The following SGCD variants were observed in gnomAD, a reference collection of about 807,000 sequenced individuals.
SGCD encodes the protein delta-sarcoglycan.
A neutral mutation model predicts 36.6 loss-of-function variants in SGCD; 18 were observed. The observed-to-expected ratio is 0.49, with a 90% CI of 0.34 to 0.73. SGCD has a LOEUF of 0.73. Among genes scored for constraint, SGCD ranks in the 30% least tolerant of loss-of-function variants. The pLI, the probability that SGCD is intolerant of heterozygous loss-of-function variation, is 0.01. For missense variants in SGCD, 387 were observed against 346.7 expected, an observed-to-expected ratio of 1.12 and a Z score of -0.92; for synonymous variants, 133 against 130.6, an observed-to-expected ratio of 1.02 and a Z score of -0.12.
intron 7 of SGCD, among the ~76,000 whole-genome samples, chr5:156,685,965 G>A (rs938205486): frequency 6.6e-6 from 1 of 152,118 alleles, no homozygotes; most frequent in African/African-American, 2.4e-5. Context: ...TAACCACTGG[G>A]TACTAGACTT....
At chr5:155,747,515 A>G in the SGCD span, among the ~76,000 whole-genome samples, 1 of 152,212 alleles carries the variant, frequency 6.6e-6, no homozygotes, top group African/African-American at 2.4e-5. Context: ...GTTGGAGGAT[A>G]GGGACCTTTT....
intron 1 of SGCD, among the ~76,000 whole-genome samples, chr5:155,952,610 G>A (rs1171785628): frequency 1.3e-5 from 2 of 152,060 alleles, no homozygotes; most frequent in Non-Finnish European, 1.5e-5. Flanking sequence ...CTGGTGTTTG[G>A]TATTTCACTT....
rs554998165 is a variant in SGCD at position 156,356,020 on chromosome 5, C to T, written c.192+11343C>T. ...TGTATGTTTGCTTACTCTGTATCTG[C>T]TTAGCCAAAGATCCAATATATTAAG... On this transcript the variant is annotated intron_variant, in intron 3 of 8. Coordinates refer to ENST00000337851, the MANE Select transcript of SGCD (RefSeq NM_000337.6). Among the ~76,000 whole-genome samples, 124 of 152,254 alleles carry T rather than the reference C, an allele frequency of 8.1e-4. 3 individuals are homozygous for T. The South Asian group carries it at 0.025, about 31-fold the overall frequency.
chr5:155,876,471 C>T (rs757937120), intron 1 of SGCD, among the ~76,000 whole-genome samples: 1 of 152,056 alleles, frequency 6.6e-6, no homozygotes, highest in Non-Finnish European at 1.5e-5. Flanking sequence ...AATTTACCTT[C>T]CTTCTAAAGT....
At chr5:156,296,838 C>A (rs906905871) in intron 3 of SGCD, among the ~76,000 whole-genome samples, 1 of 152,050 alleles carries the variant, frequency 6.6e-6, no homozygotes, top group Admixed American at 6.6e-5. Flanking sequence ...CTGTCCATTA[C>A]TGAAGTAGAA....
At chr5:156,633,384 C>G (rs112289482) in intron 6 of SGCD, among the ~76,000 whole-genome samples, 3 of 152,188 alleles carry the variant, frequency 2.0e-5, no homozygotes, top group African/African-American at 7.2e-5. Context: ...TTTATTATTC[C>G]ATGGTGGTCT....
chr5:156,090,945 A>C (rs1208645423), intron 1 of SGCD, among the ~76,000 whole-genome samples: 1 of 152,052 alleles, frequency 6.6e-6, no homozygotes, highest in Non-Finnish European at 1.5e-5. Context: ...CCTTATGGTT[A>C]TTTTTCCTTG....
the SGCD span, among the ~76,000 whole-genome samples, chr5:155,751,489 TG>T: frequency 1.3e-5 from 2 of 152,076 alleles, no homozygotes; most frequent in Non-Finnish European, 2.9e-5. Context: ...CAGGCTCAGG[TG>T]AACCTCTCAG....
chr5:156,004,073 A>G (rs1758712918), intron 1 of SGCD, among the ~76,000 whole-genome samples: 1 of 152,246 alleles, frequency 6.6e-6, no homozygotes, highest in Non-Finnish European at 1.5e-5. Context: ...TTAAGAAAGA[A>G]GAAAATTAAG....
chr5:156,140,221 G>A (rs1185886852), intron 3 of SGCD, among the ~76,000 whole-genome samples: 1 of 152,218 alleles, frequency 6.6e-6, no homozygotes, highest in South Asian at 2.1e-4. Flanking sequence ...TGAAAATGTG[G>A]AAGTGGATTA....
intron 1 of SGCD, among the ~76,000 whole-genome samples, chr5:156,014,085 A>T (rs1758915700): frequency 6.6e-6 from 1 of 152,042 alleles, no homozygotes. Flanking sequence ...TAGCTTTAAC[A>T]TACATAATTA....
intron 4 of SGCD, among the ~76,000 whole-genome samples, chr5:156,577,676 C>A (rs1760031428): frequency 6.6e-6 from 1 of 152,138 alleles, no homozygotes; most frequent in Non-Finnish European, 1.5e-5. Context: ...CCCTTTGTAG[C>A]AATTGTGAAT....
the SGCD span, among the ~76,000 whole-genome samples, chr5:155,766,988 C>T: frequency 6.6e-6 from 1 of 152,224 alleles, no homozygotes; most frequent in South Asian, 2.1e-4. Flanking sequence ...ATCCCCAGAC[C>T]AAAGGGACCC....
chr5:156,474,993 G>T (rs55872084), intron 3 of SGCD, among the ~76,000 whole-genome samples: 24,850 of 152,124 alleles, frequency 0.16, 2,550 homozygotes, highest in Non-Finnish European at 0.23. Context: ...TGTAGAGAAA[G>T]ATTTTAATGT....
intron 3 of SGCD, among the ~76,000 whole-genome samples, chr5:156,312,190 T>C (rs1325784878): frequency 6.6e-6 from 1 of 152,152 alleles, no homozygotes; most frequent in Admixed American, 6.5e-5. Flanking sequence ...TAGAATTCTG[T>C]CTCCATTTTT....
At chr5:156,620,150 A>G (rs1289409599) in intron 6 of SGCD, among the ~76,000 whole-genome samples, 1 of 152,220 alleles carries the variant, frequency 6.6e-6, no homozygotes, top group Non-Finnish European at 1.5e-5. Context: ...GGGTAAGTTT[A>G]TCAATCTCTG....
chr5:156,112,579 T>A (rs760553546), intron 1 of SGCD, among the ~76,000 whole-genome samples: 3 of 152,204 alleles, frequency 2.0e-5, no homozygotes, highest in Non-Finnish European at 4.4e-5. Context: ...GGTTTGGTTT[T>A]TTTTGAGAAT....
At chr5:156,451,668 A>T (rs892508851) in intron 3 of SGCD, among the ~76,000 whole-genome samples, 2 of 152,186 alleles carry the variant, frequency 1.3e-5, no homozygotes, top group Admixed American at 1.3e-4. Flanking sequence ...AAAAGTTATG[A>T]AATATTTGCT....
chr5:156,633,640 G>A (rs1419096508), intron 6 of SGCD, among the ~76,000 whole-genome samples: 2 of 152,148 alleles, frequency 1.3e-5, no homozygotes, highest in Non-Finnish European at 2.9e-5. Context: ...TTTAAAAAAT[G>A]TCTGGCAAAT....
Sources: gnomAD v4.1 joint callset for allele counts (sites outside exome capture counted in the v4.1 genomes callset) on GRCh38, gnomAD v4.1.1 for gene constraint, MANE v1.5 for transcripts, NCBI Gene and HGNC (gene_info 2026-07-23, HGNC 2026-07-21) for gene names.